Variants in DERA observed in about 807,000 individuals in gnomAD.
DERA encodes deoxyribose-phosphate aldolase, also known as 2-deoxy-D-ribose 5-phosphate aldolase.
A neutral mutation model predicts 41.1 loss-of-function variants in DERA; 15 were observed. The ratio of observed to expected loss-of-function variants is 0.37; its 90% CI spans 0.24 to 0.56. DERA has a LOEUF of 0.56. Among genes scored for constraint, DERA ranks in the 20% least tolerant of loss-of-function variants. The pLI, the probability that DERA is intolerant of heterozygous loss-of-function variation, is 0.81. For synonymous variants in DERA, 139 were observed against 137.4 expected, an observed-to-expected ratio of 1.01 and a Z score of -0.08; for missense variants, 396 against 403.4, an observed-to-expected ratio of 0.98 and a Z score of 0.16.
At chr12:15,944,474 G>A (rs1357351562) in intron 1 of DERA, among the ~76,000 whole-genome samples, 1 of 152,126 alleles carries the variant, frequency 6.6e-6, no homozygotes, top group African/African-American at 2.4e-5. Flanking sequence ...TTTCTCTGAT[G>A]GCCAGTGATG....
rs1478377210 is a variant in DERA at position 16,021,131 on chromosome 12, G to T, written c.638-11411G>T. ...GAGCCAAGTGCTCATATATAAGACTGTGGGGAAAAGACTTGAAGGCATTTC... is the reference window on the plus strand; with the variant it reads ...GAGCCAAGTGCTCATATATAAGACTTTGGGGAAAAGACTTGAAGGCATTTC... On this transcript the variant is annotated intron_variant, in intron 6 of 8. Coordinates refer to ENST00000428559, the MANE Select transcript of DERA (RefSeq NM_015954.4). The surrounding 1 kb of genome is among the most constrained non-coding windows in gnomAD (Gnocchi z 5.3). 1.3e-5 allele frequency among the ~76,000 whole-genome samples: 2 copies of T among 152,212 alleles called. No homozygotes were observed. The highest frequency in any genetic ancestry group is 1.3e-4 in the Admixed American group (2 of 15,282).
chr12:15,966,065 C>A lies in DERA; in HGVS notation c.508+3118C>A, dbSNP rs1189552233. Reference sequence around the variant, plus strand: ...TTCATCCCCAGCAACGTCCTCCTTTCTTCTCTTCCCTTCATGACTAAAATT... The same window carrying A: ...TTCATCCCCAGCAACGTCCTCCTTTATTCTCTTCCCTTCATGACTAAAATT... On this transcript the variant is annotated intron_variant, in intron 5 of 8. Transcript: ENST00000428559. The surrounding 1 kb of genome is among the most constrained non-coding windows in gnomAD (Gnocchi z 5.1). Among the ~76,000 whole-genome samples, 1 of 152,170 alleles carries A rather than the reference C, an allele frequency of 6.6e-6. No homozygotes were observed. The highest frequency in any genetic ancestry group is 2.4e-5 in the African/African-American group (1 of 41,444).
intron 6 of DERA, among the ~76,000 whole-genome samples, chr12:16,018,292 C>T (rs1948997051): frequency 6.6e-6 from 1 of 151,902 alleles, no homozygotes; most frequent in South Asian, 2.1e-4. Context: ...TTTTATTTTC[C>T]TCTCTTTGCA....
chr12:15,979,094 T>C (rs1383127722), intron 5 of DERA, among the ~76,000 whole-genome samples: 1 of 152,232 alleles, frequency 6.6e-6, no homozygotes, highest in African/African-American at 2.4e-5. Flanking sequence ...ACTATACTTC[T>C]TCAGTAAATA....
chr12:16,029,352 G>A (rs1364100676), intron 6 of DERA, among the ~76,000 whole-genome samples: 1 of 152,148 alleles, frequency 6.6e-6, no homozygotes, highest in Non-Finnish European at 1.5e-5. Context: ...GAACCCGGGA[G>A]GCGGAGCTTG....
intron 6 of DERA, among the ~76,000 whole-genome samples, chr12:16,025,188 A>T (rs1318041631): frequency 1.3e-5 from 2 of 152,272 alleles, no homozygotes; most frequent in Middle Eastern, 3.4e-3. Flanking sequence ...AAAGTAATAA[A>T]CATGGTATAT....
chr12:15,967,003 A>G lies in DERA; in HGVS notation c.508+4056A>G, dbSNP rs935263274. Among the ~76,000 whole-genome samples the G allele has an allele frequency of 2.0e-5, 3 of 152,170 alleles. No homozygotes were observed. Among genetic ancestry groups the G allele is most frequent in the African/African-American group, 7.2e-5 (3 of 41,438 alleles). Reference sequence around the variant, plus strand: ...ACCCATCATTTACATATAAGTAGACATTCAAATATCACTGACCCTTGACAA... The same window carrying G: ...ACCCATCATTTACATATAAGTAGACGTTCAAATATCACTGACCCTTGACAA... On this transcript the variant is annotated intron_variant, in intron 5 of 8. Transcript: ENST00000428559. This position sits in a 1 kb window ranked among gnomAD's most constrained non-coding sequence, Gnocchi z 4.9.
chr12:15,973,113 A>C (rs997806200), intron 5 of DERA, among the ~76,000 whole-genome samples: 1 of 152,156 alleles, frequency 6.6e-6, no homozygotes, highest in East Asian at 1.9e-4. Context: ...AGGTCAGGTT[A>C]TGACCTCTAC....
chr12:16,019,090 T>C lies in DERA; in HGVS notation c.638-13452T>C, dbSNP rs1440767738. On this transcript the variant is annotated intron_variant, in intron 6 of 8. Transcript: ENST00000428559. This position sits in a 1 kb window ranked among gnomAD's most constrained non-coding sequence, Gnocchi z 4.4. Reference sequence around the variant, plus strand: ...TGTGTGGTGTTGGTAATTCAAAATGTAGCATTTATTTCTCTAAAGTAATTT... The same window carrying C: ...TGTGTGGTGTTGGTAATTCAAAATGCAGCATTTATTTCTCTAAAGTAATTT... Among the ~76,000 whole-genome samples the C allele has an allele frequency of 6.6e-6, 1 of 152,182 alleles. No homozygotes were observed. Among genetic ancestry groups the C allele is most frequent in the Non-Finnish European group, 1.5e-5 (1 of 68,026 alleles).
chr12:16,011,875 A>AC lies in DERA; in HGVS notation c.638-20666dup, dbSNP rs1489649994. Among the ~76,000 whole-genome samples the AC allele has an allele frequency of 1.3e-5, 2 of 152,218 alleles. No individual in the cohort carries two copies. The highest frequency in any genetic ancestry group is 2.9e-5 in the Non-Finnish European group (2 of 68,038). On this transcript the variant is annotated intron_variant, in intron 6 of 8. Transcript: ENST00000428559. The surrounding 1 kb of genome is among the most constrained non-coding windows in gnomAD (Gnocchi z 4.7). ...ATATTTCTGGCATTTTCTTTTGTTTACAGGGTACTGGCCTAATTGCCATGA... is the reference window on the plus strand; with the variant it reads ...ATATTTCTGGCATTTTCTTTTGTTTACCAGGGTACTGGCCTAATTGCCATGA...
In DERA at chr12:16,020,622, G is replaced by T. The variant is rs1213514430; in HGVS notation, c.638-11920G>T. 6.6e-6 allele frequency among the ~76,000 whole-genome samples: 1 copy of T among 152,144 alleles called. No individual in the cohort carries two copies. Among genetic ancestry groups the T allele is most frequent in the Non-Finnish European group, 1.5e-5 (1 of 68,024 alleles). Reference sequence around the variant, plus strand: ...TGGAGAGGTTGGAAGAGTTTGGAGGGCCCAGAAAAAGACAGGAAGATGAGA... The same window carrying T: ...TGGAGAGGTTGGAAGAGTTTGGAGGTCCCAGAAAAAGACAGGAAGATGAGA... On this transcript the variant is annotated intron_variant, in intron 6 of 8. Transcript: ENST00000428559. The surrounding 1 kb of genome is among the most constrained non-coding windows in gnomAD (Gnocchi z 5.5).
rs146182174 is a variant in DERA at position 16,033,581 on chromosome 12, TTGTGTG to T, written c.750+965_750+970del. On this transcript the variant is annotated intron_variant, in intron 7 of 8. Transcript: ENST00000428559. Reference sequence around the variant, plus strand: ...TTTTTTACATGATTGGAGAGCAAGGTTGTGTGTGTGTGTGTGTGTGTGTGTGTGTGT... The same window carrying T: ...TTTTTTACATGATTGGAGAGCAAGGTTGTGTGTGTGTGTGTGTGTGTGTGT... Among the ~76,000 whole-genome samples, 165 of 127,708 alleles carry T rather than the reference TTGTGTG, an allele frequency of 1.3e-3. 1 individual carries two copies. Among genetic ancestry groups the T allele is most frequent in the South Asian group, 6.4e-3 (23 of 3,592 alleles). The allele number at this position is 127,708 out of a possible 152,430, so 83.8% of individuals were successfully genotyped here. A position where few individuals can be genotyped will look rare whatever the true frequency, so the allele number is the denominator to read the frequency against.
chr12:16,027,105 AAG>A (rs1338819990), intron 6 of DERA, among the ~76,000 whole-genome samples: 2 of 152,302 alleles, frequency 1.3e-5, no homozygotes, highest in Non-Finnish European at 2.9e-5. Context: ...ATTTATAAGA[AAG>A]CCTCGGCAAA....
intron 6 of DERA, among the ~76,000 whole-genome samples, chr12:16,007,873 CAG>C (rs1419487268): frequency 6.6e-6 from 1 of 151,446 alleles, no homozygotes; most frequent in Non-Finnish European, 1.5e-5. Flanking sequence ...TGTTTTGTGA[CAG>C]AGTCTCATTC....
chr12:15,953,844 A>C (rs1948517271), intron 1 of DERA, among the ~76,000 whole-genome samples: 1 of 152,238 alleles, frequency 6.6e-6, no homozygotes, highest in African/African-American at 2.4e-5. Context: ...GATGAAATTA[A>C]AGAGTAGCAA....
intron 1 of DERA, 194 bp from the exon 2 acceptor site, chr12:15,956,742 A>G (rs1363505702): frequency 7.4e-6 from 5 of 671,236 alleles, no homozygotes; most frequent in East Asian, 5.7e-5. Context: ...GTGATTTTGC[A>G]TGAAGTATGC....
intron 6 of DERA, among the ~76,000 whole-genome samples, chr12:16,015,897 C>T (rs1054326209): frequency 2.0e-5 from 3 of 152,060 alleles, no homozygotes; most frequent in Admixed American, 2.0e-4. Context: ...TTTTTTCCTC[C>T]TTTCTCCCTC....
intron 6 of DERA, among the ~76,000 whole-genome samples, chr12:16,002,417 C>T (rs966472127): frequency 3.9e-5 from 6 of 152,074 alleles, no homozygotes; most frequent in South Asian, 2.1e-4. Flanking sequence ...AGAATACCCT[C>T]GCTCCTCACA....
chr12:15,984,995 A>G lies in DERA; in HGVS notation c.637+2559A>G, dbSNP rs1211529652. ...ATTTTTTCTTAAATCAATTTCATTG[A>G]GGCAGATTTGCATTCAGTAAAATTC... is the stretch of plus-strand genomic sequence containing the variant. On this transcript the variant is annotated intron_variant, in intron 6 of 8. Transcript: ENST00000428559. The surrounding 1 kb of genome is among the most constrained non-coding windows in gnomAD (Gnocchi z 4.5). Among the ~76,000 whole-genome samples the G allele has an allele frequency of 3.9e-5, 6 of 152,198 alleles. No homozygotes were observed. The highest frequency in any genetic ancestry group is 6.5e-5 in the Admixed American group (1 of 15,286).
Sources: gnomAD v4.1 joint callset for allele counts (sites outside exome capture counted in the v4.1 genomes callset) on GRCh38, gnomAD v4.1.1 for gene constraint, Gnocchi (gnomAD v3.1) non-coding constraint, MANE v1.5 for transcripts, NCBI Gene and HGNC (gene_info 2026-07-23, HGNC 2026-07-21) for gene names.